The following TEX2 variants were observed in gnomAD, a reference collection of about 807,000 sequenced individuals.
The protein encoded by TEX2 is testis expressed 2.
In TEX2, 53 loss-of-function variants were observed where a neutral mutation model predicts 106.9. That is an observed-to-expected ratio of 0.50 (90% CI 0.40 to 0.62). TEX2 has a LOEUF of 0.62. TEX2 is among the 20% of genes least tolerant of loss of function. The pLI is 0.00. For synonymous variants in TEX2, 523 were observed against 534.8 expected (o/e 0.98, Z 0.30); for missense variants, 1,207 against 1,379.0 (o/e 0.88, Z 1.98).
chr17:64,243,152 C>T (rs531444457), intron 1 of TEX2, among the ~76,000 whole-genome samples: 1 of 152,142 alleles, frequency 6.6e-6, no homozygotes, highest in African/African-American at 2.4e-5. Flanking sequence ...TGGTCTCGAA[C>T]TGCTGACCTC....
chr17:64,190,991 C>G (rs570288583), intron 4 of TEX2, among the ~76,000 whole-genome samples: 2 of 152,202 alleles, frequency 1.3e-5, no homozygotes, highest in South Asian at 4.1e-4. Flanking sequence ...CCTACCTTCA[C>G]GGCTGACCAC....
chr17:64,222,201 A>G (rs534234693), intron 1 of TEX2, among the ~76,000 whole-genome samples: 68 of 152,298 alleles, frequency 4.5e-4, no homozygotes, highest in African/African-American at 1.3e-3. Flanking sequence ...GAAGGCCAGT[A>G]TATGTGCAGG....
At chr17:64,222,498 C>G (rs1423613296) in intron 1 of TEX2, among the ~76,000 whole-genome samples, 3 of 123,818 alleles carry the variant, frequency 2.4e-5, no homozygotes, top group African/African-American at 9.5e-5. Context: ...AGCCTGGCAA[C>G]AGAGCGAGAT....
chr17:64,191,841 A>ACGC lies in TEX2; in HGVS notation c.2176+1717_2176+1718insGCG, dbSNP rs796477788. Among the ~76,000 whole-genome samples the ACGC allele has an allele frequency of 9.1e-5, 13 of 143,534 alleles. No individual in the cohort carries two copies. In the South Asian group the frequency reaches 2.8e-3, roughly 31 times the overall value. The allele number at this position is 143,534 out of a possible 152,430, so 94.2% of individuals were successfully genotyped here. On this transcript the variant is annotated intron_variant, in intron 4 of 11. Transcript: ENST00000584379. ...TCAAAAAAAAAAAAAAAAAAAAAAAAAAGAAAGAAAGAAAAAGAAAGGTAA... is the reference window on the plus strand; with the variant it reads ...TCAAAAAAAAAAAAAAAAAAAAAAAACGCAAGAAAGAAAGAAAAAGAAAGGTAA...
chr17:64,150,078 AT>A (rs934345043), intron 11 of TEX2: 4 of 152,076 alleles, frequency 2.6e-5, no homozygotes, highest in Non-Finnish European at 4.4e-5. Context: ...AAATAAGAGG[AT>A]TTTTTTAAGG....
intron 10 of TEX2, 151 bp from the exon 11 acceptor site, chr17:64,151,112 A>G (rs2030330929): frequency 1.1e-6 from 1 of 940,800 alleles, no homozygotes; most frequent in African/African-American, 1.7e-5. Context: ...TTCCACACAC[A>G]AAGTATGAAT....
intron 5 of TEX2, among the ~76,000 whole-genome samples, chr17:64,178,576 G>A (rs1249653530): frequency 6.6e-6 from 1 of 152,186 alleles, no homozygotes; most frequent in Admixed American, 6.5e-5. Context: ...GTGGGGGAAG[G>A]GGAGCTGGCC....
At chr17:64,215,488 TG>T (rs2091171997) in intron 1 of TEX2, among the ~76,000 whole-genome samples, 1 of 151,956 alleles carries the variant, frequency 6.6e-6, no homozygotes, top group Admixed American at 6.6e-5. Flanking sequence ...AGGGTGAGTG[TG>T]GGGAGCAGTG....
At chr17:64,187,217 T>C (rs1302728935) in intron 5 of TEX2, among the ~76,000 whole-genome samples, 3 of 152,232 alleles carry the variant, frequency 2.0e-5, no homozygotes, top group Admixed American at 6.5e-5. Flanking sequence ...CGTGTCCGGT[T>C]ACACTTTGTA....
chr17:64,188,378 G>A lies in TEX2; in HGVS notation c.2214C>T (p.Ser738=), dbSNP rs761252100. The A allele has an allele frequency of 5.6e-5, 90 of 1,614,094 alleles. 1 individual carries two copies. Among genetic ancestry groups the A allele is most frequent in the South Asian group, 3.1e-4 (28 of 91,092 alleles). The change falls in exon 5 of 12, where the codon TCC becomes TCT. Residue 738 remains serine (S), a synonymous_variant. Coordinates refer to ENST00000584379, the MANE Select transcript of TEX2 (RefSeq NM_001288732.2). ...LPAHSRHNSP[S]GHLTHSRSSS... is the part of the protein sequence containing the mutation. ...TGCTGCGGCTGTGGGTCAGGTGCCC[G>A]GACGGACTGTTGTGTCTGCTGTGTG... is the stretch of plus-strand genomic sequence containing the variant.
Position 64,185,526 on chromosome 17 carries a change from C to T in TEX2, c.2424+2642G>A, listed in dbSNP as rs923568628. ...GGCACTAAACATTTGGAAAACTAGGCCCTTGCCCCCCAAAATAGTGATATT... is the reference window on the plus strand; with the variant it reads ...GGCACTAAACATTTGGAAAACTAGGTCCTTGCCCCCCAAAATAGTGATATT... On this transcript the variant is annotated intron_variant, in intron 5 of 11. Transcript: ENST00000584379. The surrounding 1 kb of genome is among the most constrained non-coding windows in gnomAD (Gnocchi z 4.0). Among the ~76,000 whole-genome samples the T allele has an allele frequency of 6.6e-6, 1 of 152,152 alleles. No homozygotes were observed. The highest frequency in any genetic ancestry group is 1.5e-5 in the Non-Finnish European group (1 of 68,038).
At chr17:64,167,438 C>A (rs2031187721) in intron 7 of TEX2, among the ~76,000 whole-genome samples, 2 of 152,102 alleles carry the variant, frequency 1.3e-5, no homozygotes, top group South Asian at 4.1e-4. Context: ...GCATAGAGCT[C>A]CTCCTTGCTC....
chr17:64,242,855 G>A (rs1353961826), intron 1 of TEX2, among the ~76,000 whole-genome samples: 3 of 152,044 alleles, frequency 2.0e-5, no homozygotes, highest in Non-Finnish European at 4.4e-5. Flanking sequence ...GGAAGCCAAG[G>A]TGGGAGGATC....
chr17:64,233,615 G>A (rs1567960542), intron 1 of TEX2, among the ~76,000 whole-genome samples: 1 of 152,050 alleles, frequency 6.6e-6, no homozygotes, highest in Non-Finnish European at 1.5e-5. Context: ...TACCCAGAAA[G>A]AGACAATGGA....
chr17:64,220,095 T>C (rs1555633116), intron 1 of TEX2, among the ~76,000 whole-genome samples: 1 of 152,166 alleles, frequency 6.6e-6, no homozygotes, highest in East Asian at 1.9e-4. Context: ...AGGTGGCCTA[T>C]GGAGGGGAAG....
At chr17:64,228,242 G>T (rs1555634148) in intron 1 of TEX2, among the ~76,000 whole-genome samples, 4 of 152,140 alleles carry the variant, frequency 2.6e-5, no homozygotes, top group African/African-American at 7.2e-5. Flanking sequence ...CCTCCTCCCT[G>T]CAAAATCAGC....
chr17:64,187,098 C>G (rs2032104369), intron 5 of TEX2, among the ~76,000 whole-genome samples: 1 of 152,202 alleles, frequency 6.6e-6, no homozygotes, highest in Non-Finnish European at 1.5e-5. Context: ...ACAATCCTGT[C>G]TAGTTTGCAG....
intron 5 of TEX2, among the ~76,000 whole-genome samples, chr17:64,180,174 C>A (rs1036068947): frequency 1.3e-5 from 2 of 152,150 alleles, no homozygotes; most frequent in Admixed American, 1.3e-4. Flanking sequence ...TTGCTGCCCA[C>A]GTAAGACACC....
In TEX2 at chr17:64,148,004, CTT is replaced by C. The variant is rs1444668260; in HGVS notation, c.*963_*964del. 2 of 152,516 alleles carry C rather than the reference CTT, an allele frequency of 1.3e-5. No homozygotes were observed. The highest frequency in any genetic ancestry group is 2.9e-5 in the Non-Finnish European group (2 of 68,018). The allele number at this position is 152,516 out of a possible 1,614,324, so 9.4% of individuals were successfully genotyped here. On this transcript the variant is annotated 3_prime_UTR_variant, in exon 12 of 12. Transcript: ENST00000584379. ...GAGATGTAGTGTGATGCTGAGCAAACTTTTGGTCTTGACTCTTGAAATAATTA... is the reference window on the plus strand; with the variant it reads ...GAGATGTAGTGTGATGCTGAGCAAACTTGGTCTTGACTCTTGAAATAATTA...
Sources: allele counts gnomAD v4.1 joint callset (sites outside exome capture counted in the v4.1 genomes callset), GRCh38; gene constraint gnomAD v4.1.1; non-coding constraint Gnocchi (gnomAD v3.1); transcripts MANE v1.5; gene names NCBI Gene and HGNC (gene_info 2026-07-23, HGNC 2026-07-21).